GLB1: variants seen among roughly 807,000 people sequenced by gnomAD.
The protein encoded by GLB1 is galactosidase beta 1.
GLB1 carries 56 observed loss-of-function variants against 74.0 expected under a neutral mutation model. The observed-to-expected ratio is 0.76, with a 90% confidence interval of 0.61 to 0.94. The LOEUF (loss-of-function observed/expected upper bound fraction) is 0.94, where lower values mean the gene tolerates loss of function less well. Ranked by LOEUF, GLB1 falls within the 40% of genes least tolerant of loss-of-function variation. GLB1 has a pLI of 0.00. For synonymous variants in GLB1, 323 were observed against 323.6 expected (o/e 1.00, Z 0.02); for missense variants, 787 against 845.5 (o/e 0.93, Z 0.86).
At chr3:32,962,981 G>C in the GLB1 span, among the ~76,000 whole-genome samples, 4 of 151,920 alleles carry the variant, frequency 2.6e-5, no homozygotes, top group African/African-American at 9.7e-5. Context: ...ACAAAAAATA[G>C]CCAGGACCAC....
chr3:33,039,070 T>C (rs1010840461), intron 10 of GLB1, among the ~76,000 whole-genome samples: 9 of 151,906 alleles, frequency 5.9e-5, no homozygotes, highest in African/African-American at 2.2e-4. Context: ...AGTGGGCAGA[T>C]CATGAGGTCA....
intron 14 of GLB1, among the ~76,000 whole-genome samples, chr3:33,016,201 G>C (rs550539169): frequency 6.6e-6 from 1 of 152,246 alleles, no homozygotes; most frequent in Non-Finnish European, 1.5e-5. Context: ...CAGTGAGCTT[G>C]GTGGTCTTTT....
chr3:32,977,577 A>G, the GLB1 span, among the ~76,000 whole-genome samples: 3 of 152,238 alleles, frequency 2.0e-5, no homozygotes, highest in South Asian at 6.2e-4. Context: ...GCTGAAAGGA[A>G]ACATGTAGAC....
At chr3:33,011,638 CAAAAAAAA>C (rs11342344) in intron 15 of GLB1, among the ~76,000 whole-genome samples, 3 of 84,080 alleles carry the variant, frequency 3.6e-5, no homozygotes, top group African/African-American at 1.1e-4. Flanking sequence ...GAGTCCATCT[CAAAAAAAA>C]AAAAAAAAAA....
At chr3:33,092,577 G>A in intron 1 of GLB1, 1 of 1,250,430 alleles carries the variant, frequency 8.0e-7, no homozygotes, top group South Asian at 3.2e-5. Context: ...GGAAAATAGA[G>A]GGGAGTGCTA....
intron 12 of GLB1, among the ~76,000 whole-genome samples, chr3:33,019,134 C>T (rs1002098588): frequency 6.7e-6 from 1 of 149,628 alleles, no homozygotes; most frequent in Non-Finnish European, 1.5e-5. Context: ...AGCAAGACCT[C>T]ATCTCTAATA....
chr3:33,007,750 A>G (rs1049141722), intron 15 of GLB1, among the ~76,000 whole-genome samples: 2 of 152,218 alleles, frequency 1.3e-5, no homozygotes, highest in Non-Finnish European at 2.9e-5. Flanking sequence ...ACATTCACAA[A>G]TACTGTGTGG....
Position 33,093,983 on chromosome 3 carries a change from G to A in GLB1, c.75+3028C>T, listed in dbSNP as rs1700889277. 1 of 1,614,218 alleles carries A rather than the reference G, an allele frequency of 6.2e-7. No homozygotes were observed. Among genetic ancestry groups the A allele is most frequent in the South Asian group, 1.1e-5 (1 of 91,082 alleles). On this transcript the variant is annotated intron_variant, in intron 1 of 15. Coordinates refer to ENST00000307363, the MANE Select transcript of GLB1 (RefSeq NM_000404.4). This position sits in a 1 kb window ranked among gnomAD's most constrained non-coding sequence, Gnocchi z 6.0. ...TTGACTCTGCAGCTGGGGAGTGGCA[G>A]AGGTTGCTCACTGTGCTGCGCCAAA...
chr3:33,065,172 T>G (rs1180931019), intron 5 of GLB1, among the ~76,000 whole-genome samples: 1 of 152,100 alleles, frequency 6.6e-6, no homozygotes, highest in East Asian at 1.9e-4. Context: ...GCTGGCTGGG[T>G]GACCTTAGCC....
At chr3:33,026,007 G>T (rs1168827313) in intron 10 of GLB1, among the ~76,000 whole-genome samples, 2 of 152,180 alleles carry the variant, frequency 1.3e-5, no homozygotes, top group African/African-American at 4.8e-5. Flanking sequence ...CCCGCTGGTG[G>T]GGGAGCAGCG....
At chr3:33,096,384 G>A (rs1701027829) in intron 1 of GLB1, 4 of 981,054 alleles carry the variant, frequency 4.1e-6, no homozygotes, top group East Asian at 1.1e-4. Context: ...GGCATCCCCC[G>A]GCAGCCTGCC....
At chr3:33,022,981 A>G (rs1697563008) in intron 11 of GLB1, among the ~76,000 whole-genome samples, 1 of 152,338 alleles carries the variant, frequency 6.6e-6, no homozygotes, top group East Asian at 1.9e-4. Flanking sequence ...CCACCTGAAC[A>G]CTAAGAAATT....
chr3:33,065,686 G>A (rs1699642689), intron 4 of GLB1, 129 bp from the exon 5 acceptor site: 1 of 1,129,956 alleles, frequency 8.8e-7, no homozygotes, highest in South Asian at 1.5e-5. Flanking sequence ...TGAGTTTTCT[G>A]GCTGGGTGCG....
intron 1 of GLB1, among the ~76,000 whole-genome samples, chr3:33,074,575 G>C (rs1313512201): frequency 6.6e-6 from 1 of 150,938 alleles, no homozygotes; most frequent in Non-Finnish European, 1.5e-5. Flanking sequence ...AAAATGTTAG[G>C]ATTTTGAAAG....
chr3:33,004,273 C>T lies in GLB1; in HGVS notation c.1735-6929G>A, dbSNP rs533286895. Among the ~76,000 whole-genome samples, 4 of 152,342 alleles carry T rather than the reference C, an allele frequency of 2.6e-5. No individual in the cohort carries two copies. The East Asian group carries it at 7.7e-4, about 29-fold the overall frequency. On this transcript the variant is annotated intron_variant, in intron 15 of 15. Transcript: ENST00000307363. ...GAGATGGTCTCATCTTCTCTGTTGC[C>T]TCAGCTGACAGATGGCTAACACCCA...
At chr3:32,962,715 G>C in the GLB1 span, among the ~76,000 whole-genome samples, 1 of 151,238 alleles carries the variant, frequency 6.6e-6, no homozygotes, top group African/African-American at 2.4e-5. Context: ...AAAGAGAATA[G>C]AAATAAATAA....
downstream of GLB1, among the ~76,000 whole-genome samples, chr3:32,993,620 C>T (rs757889125): frequency 2.7e-5 from 4 of 150,040 alleles, no homozygotes; most frequent in East Asian, 2.0e-4. Flanking sequence ...CTGCAGCCTC[C>T]GCCTCCCGCT....
intron 10 of GLB1, among the ~76,000 whole-genome samples, chr3:33,033,248 T>G (rs1698129726): frequency 6.6e-6 from 1 of 152,200 alleles, no homozygotes; most frequent in African/African-American, 2.4e-5. Context: ...CTGTGAAAAT[T>G]TCTTCCAAAA....
chr3:33,094,056 T>A (rs143600377), intron 1 of GLB1: 9 of 1,614,112 alleles, frequency 5.6e-6, no homozygotes, highest in Non-Finnish European at 7.6e-6. Context: ...CAGGGCAAGC[T>A]GCAAGCGAAG....
Sources: allele counts gnomAD v4.1 joint callset (sites outside exome capture counted in the v4.1 genomes callset), GRCh38; gene constraint gnomAD v4.1.1; non-coding constraint Gnocchi (gnomAD v3.1); transcripts MANE v1.5; gene names NCBI Gene and HGNC (gene_info 2026-07-23, HGNC 2026-07-21).